The following TRIM40 variants were observed in gnomAD, a reference collection of about 807,000 sequenced individuals.
TRIM40 encodes tripartite motif containing 40.
In TRIM40, 27 loss-of-function variants were observed where a neutral mutation model predicts 26.1. The observed-to-expected ratio is 1.04, with a 90% confidence interval of 0.76 to 1.43. The LOEUF (loss-of-function observed/expected upper bound fraction) is 1.43. Among genes scored for constraint, TRIM40 ranks in the 40% most tolerant of loss-of-function variants. The pLI, the probability that TRIM40 is intolerant of heterozygous loss-of-function variation, is 0.00. For missense variants in TRIM40, 289 were observed against 307.9 expected (o/e 0.94, Z 0.46); for synonymous variants, 114 against 120.0 (o/e 0.95, Z 0.33).
chr6:30,137,439 T>C, intron 2 of TRIM40, 58 bp downstream of exon 2: 3 of 1,453,624 alleles, frequency 2.1e-6, no homozygotes, highest in African/African-American at 1.4e-5. Flanking sequence ...TGCTGCATCC[T>C]ACATGTTCAT....
intron 2 of TRIM40, among the ~76,000 whole-genome samples, chr6:30,139,672 C>T (rs1406420750): frequency 6.6e-6 from 1 of 152,004 alleles, no homozygotes; most frequent in Non-Finnish European, 1.5e-5. Context: ...AATGGGTGGC[C>T]CATGTCCATT....
chr6:30,137,913 C>T (rs1466449724), intron 2 of TRIM40, among the ~76,000 whole-genome samples: 1 of 152,106 alleles, frequency 6.6e-6, no homozygotes, highest in Non-Finnish European at 1.5e-5. Context: ...AAGTTACATG[C>T]TGTAGGTAAT....
Position 30,147,858 on chromosome 6 carries a change from C to T in TRIM40, c.*46C>T. ...CTCACTTCAGGCTCACCTCAGCCTC[C>T]TCTCTCTCCTTCCTCCAACCTGTCC... On this transcript the variant is annotated 3_prime_UTR_variant, in exon 6 of 6. Transcript: ENST00000396581. The T allele has an allele frequency of 6.5e-7, 1 of 1,549,666 alleles. No individual in the cohort carries two copies. Among genetic ancestry groups the T allele is most frequent in the Non-Finnish European group, 8.9e-7 (1 of 1,121,656 alleles).
At position 30,147,936 on chromosome 6, in the gene TRIM40, A is replaced by G. The variant is rs1160199380; in HGVS notation, c.*124A>G. On this transcript the variant is annotated 3_prime_UTR_variant, in exon 6 of 6. Transcript: ENST00000396581. ...TCTTCGGGCCTGCCAGCTCCTGAAC[A>G]TGTCACCATTTCTTCATGTCCACAG... 2.7e-5 allele frequency: 20 copies of G among 748,208 alleles called. No individual in the cohort carries two copies. Among genetic ancestry groups the G allele is most frequent in the Non-Finnish European group, 4.4e-5 (19 of 432,784 alleles). 46.3% of individuals were successfully genotyped at this position (748,208 alleles called of 1,614,324 possible).
Position 30,147,229 on chromosome 6 carries a change from C to T in TRIM40, c.666+20C>T. 1 of 1,613,252 alleles carries T rather than the reference C, an allele frequency of 6.2e-7. No individual in the cohort carries two copies. Among genetic ancestry groups the T allele is most frequent in the Non-Finnish European group, 8.5e-7 (1 of 1,179,256 alleles). On this transcript the variant is annotated intron_variant, in intron 4 of 5. Coordinates refer to ENST00000396581, the MANE Select transcript of TRIM40 (RefSeq NM_001286633.2). The stretch of plus-strand genomic sequence containing the variant: ...CTGAAGGTGCATACCCTGAGGCCTT[C>T]CCCAAGGGCTGGGATTCTCCCCGAT...
At position 30,137,069 on chromosome 6, in the gene TRIM40, G is replaced by T; in HGVS notation, c.33G>T (p.Glu11Asp). Residue 11 changes from glutamate (E) to aspartate (D), a missense_variant, in exon 2 of 6, where the codon GAG (glutamate) becomes GAT (aspartate). Coordinates refer to ENST00000396581, the MANE Select transcript of TRIM40 (RefSeq NM_001286633.2). MIPLQKDNQE[E>D]GVCPICQESL... ...CTTTGCAGAAGGACAACCAGGAGGA[G>T]GGTGTCTGCCCCATCTGCCAGGAGA... is the stretch of plus-strand genomic sequence containing the variant. 6.2e-7 allele frequency: 1 copy of T among 1,613,028 alleles called. No homozygotes were observed. The highest frequency in any genetic ancestry group is 8.5e-7 in the Non-Finnish European group (1 of 1,180,022).
chr6:30,144,716 C>T (rs1295017658), intron 2 of TRIM40, among the ~76,000 whole-genome samples: 1 of 152,000 alleles, frequency 6.6e-6, no homozygotes, highest in Non-Finnish European at 1.5e-5. Context: ...AGAAACAAGG[C>T]GGCTGGCTGA....
chr6:30,145,023 A>C (rs1771565474), intron 2 of TRIM40, among the ~76,000 whole-genome samples: 1 of 152,126 alleles, frequency 6.6e-6, no homozygotes, highest in Admixed American at 6.5e-5. Context: ...TTGTGGTGAC[A>C]TCACTGTCTT....
intron 4 of TRIM40, 95 bp from the exon 5 acceptor site, chr6:30,147,425 C>T: frequency 6.3e-7 from 1 of 1,587,710 alleles, no homozygotes; most frequent in Non-Finnish European, 8.6e-7. Context: ...CAAGGTGGCA[C>T]CCCAGAGTGG....
At chr6:30,146,456 G>T (rs928701458) in intron 3 of TRIM40, among the ~76,000 whole-genome samples, 3 of 151,242 alleles carry the variant, frequency 2.0e-5, no homozygotes, top group Non-Finnish European at 4.4e-5. Context: ...CTGTCGCCCA[G>T]GCTGGAGTGC....
chr6:30,146,504 C>T (rs571777011), intron 3 of TRIM40, among the ~76,000 whole-genome samples: 4 of 152,204 alleles, frequency 2.6e-5, no homozygotes, highest in African/African-American at 4.8e-5. Flanking sequence ...CTCCGCCTCC[C>T]GGGTTCACGC....
chr6:30,146,687 A>T (rs1771681857), intron 3 of TRIM40, among the ~76,000 whole-genome samples: 1 of 152,086 alleles, frequency 6.6e-6, no homozygotes. Flanking sequence ...CTGGGATTAC[A>T]GGTGTGAGCC....
Position 30,136,783 on chromosome 6 carries a change from C to T in TRIM40, c.-254C>T. The T allele has an allele frequency of 1.9e-6, 1 of 532,772 alleles. No individual in the cohort carries two copies. 33.0% of individuals were successfully genotyped at this position (532,772 alleles called of 1,614,324 possible). A position where few individuals can be genotyped will look rare whatever the true frequency, so the allele number is the denominator to read the frequency against. ...AACAAACACAAGGAAACCGCAGGGT[C>T]CATGTCAAAGCTGATGAGCTATTTC... On this transcript the variant is annotated 5_prime_UTR_variant, in exon 2 of 6. Transcript: ENST00000396581.
chr6:30,147,709 A>T lies in TRIM40; in HGVS notation c.690-16A>T. The T allele has an allele frequency of 6.2e-7, 1 of 1,613,328 alleles. No individual in the cohort carries two copies. Among genetic ancestry groups the T allele is most frequent in the Non-Finnish European group, 8.5e-7 (1 of 1,179,264 alleles). ...ATGAATACATATTAATCTATGAAAG[A>T]TTTCTTTGTTTCTAGGAGTGCTCCA... On this transcript the variant is annotated splice_polypyrimidine_tract_variant and intron_variant, in intron 5 of 5. Transcript: ENST00000396581.
chr6:30,147,692 A>G (rs1562101354), intron 5 of TRIM40, 33 bp from the exon 6 acceptor site: 1 of 1,610,534 alleles, frequency 6.2e-7, no homozygotes, highest in South Asian at 1.1e-5. Flanking sequence ...ATATGAATAC[A>G]TATTAATCTA....
At position 30,136,932 on chromosome 6, in the gene TRIM40, C is replaced by T. The variant is rs533874564; in HGVS notation, c.-105C>T. 1.8e-4 allele frequency: 221 copies of T among 1,201,858 alleles called. 1 individual carries two copies. The South Asian group carries it at 2.7e-3, about 15-fold the overall frequency. 74.4% of individuals were successfully genotyped at this position (1,201,858 alleles called of 1,614,324 possible). ...AGGCTGCTCCAGGGCTGCCTCCTTC[C>T]GACTGGGCCTTCTTATCTGGGACTG... is the stretch of plus-strand genomic sequence containing the variant. On this transcript the variant is annotated 5_prime_UTR_variant, in exon 2 of 6. Transcript: ENST00000396581.
At chr6:30,139,894 TC>T (rs1302173725) in intron 2 of TRIM40, among the ~76,000 whole-genome samples, 1 of 152,022 alleles carries the variant, frequency 6.6e-6, no homozygotes, top group Non-Finnish European at 1.5e-5. Flanking sequence ...AACAACCCCA[TC>T]AAAAAGTGGG....
intron 2 of TRIM40, among the ~76,000 whole-genome samples, chr6:30,145,757 T>C (rs1382977425): frequency 6.6e-6 from 1 of 152,230 alleles, no homozygotes; most frequent in Non-Finnish European, 1.5e-5. Flanking sequence ...TATTATTTTT[T>C]CTGTACTTCT....
chr6:30,142,225 G>T (rs142310095), intron 2 of TRIM40, among the ~76,000 whole-genome samples: 1,649 of 152,196 alleles, frequency 0.011, 18 homozygotes, highest in African/African-American at 0.021. Context: ...TAAAAAGACC[G>T]AAAAATTTAT....
Sources: allele counts gnomAD v4.1 joint callset (sites outside exome capture counted in the v4.1 genomes callset), GRCh38; gene constraint gnomAD v4.1.1; transcripts MANE v1.5; gene names NCBI Gene and HGNC (gene_info 2026-07-23, HGNC 2026-07-21).